Variants in EPHB3 observed in about 807,000 individuals in gnomAD.
EPHB3 encodes EPH receptor B3.
In EPHB3, 33 loss-of-function variants were observed where a neutral mutation model predicts 100.2. That is an observed-to-expected ratio of 0.33 (90% CI 0.25 to 0.44). The LOEUF (loss-of-function observed/expected upper bound fraction) is 0.44, where lower values mean the gene tolerates loss of function less well. Ranked by LOEUF, EPHB3 falls within the 20% of genes least tolerant of loss-of-function variation. The pLI is 1.00. For synonymous variants in EPHB3, 526 were observed against 554.7 expected, an observed-to-expected ratio of 0.95 and a Z score of 0.73; for missense variants, 1,045 against 1,378.3, an observed-to-expected ratio of 0.76 and a Z score of 3.83.
Position 184,572,862 on chromosome 3 carries a change from T to C in EPHB3, c.542T>C (p.Phe181Ser). Reference sequence around the variant, plus strand: ...CGTGTCAACACCAAGGTGCGCAGCTTTGGGCCACTTTCCAAGGCTGGCTTC... The same window carrying C: ...CGTGTCAACACCAAGGTGCGCAGCTCTGGGCCACTTTCCAAGGCTGGCTTC... The part of the protein sequence containing the change: ...AGRVNTKVRS[F>S]GPLSKAGFYL... The change falls in exon 3 of 16, where the codon TTT becomes TCT. Residue 181 changes from phenylalanine to serine, a missense_variant. Coordinates refer to ENST00000330394, the MANE Select transcript of EPHB3 (RefSeq NM_004443.4). The surrounding 1 kb of genome is among the most constrained non-coding windows in gnomAD (Gnocchi z 6.6). 1 of 1,561,766 alleles carries C rather than the reference T, an allele frequency of 6.4e-7. No homozygotes were observed. Among genetic ancestry groups the C allele is most frequent in the Non-Finnish European group, 8.7e-7 (1 of 1,154,226 alleles).
Position 184,572,442 on chromosome 3 carries a change from A to G in EPHB3, c.184-62A>G, listed in dbSNP as rs1479854221. Reference sequence around the variant, plus strand: ...TGAAGTAAATAGAGCAGATCTGGGCACGAGGGAAGCACTTGGCAAATGCAG... The same window carrying G: ...TGAAGTAAATAGAGCAGATCTGGGCGCGAGGGAAGCACTTGGCAAATGCAG... On this transcript the variant is annotated intron_variant, in intron 2 of 15. Coordinates refer to ENST00000330394, the MANE Select transcript of EPHB3 (RefSeq NM_004443.4). This position sits in a 1 kb window ranked among gnomAD's most constrained non-coding sequence, Gnocchi z 6.6. 8 of 1,508,024 alleles carry G rather than the reference A, an allele frequency of 5.3e-6. No individual in the cohort carries two copies. In the East Asian group the frequency reaches 1.9e-4, roughly 36 times the overall value. 93.4% of individuals were successfully genotyped at this position (1,508,024 alleles called of 1,614,324 possible). A position where few individuals can be genotyped will look rare whatever the true frequency, so the allele number is the denominator to read the frequency against.
Position 184,577,039 on chromosome 3 carries a change from G to C in EPHB3, c.1210G>C (p.Gly404Arg). ...CGTGGAGTTTGTGCCTCGGCAGCTG[G>C]GCCTGACGGAGCGCCGGGTCCACAT... ...DNVEFVPRQLGLTERRVHISH... is the reference protein window; with the variant it reads ...DNVEFVPRQLRLTERRVHISH... Residue 404 changes from glycine (G) to arginine (R), a missense_variant, in exon 5 of 16, where the codon GGC (glycine) becomes CGC (arginine). Coordinates refer to ENST00000330394, the MANE Select transcript of EPHB3 (RefSeq NM_004443.4). The surrounding 1 kb of genome is among the most constrained non-coding windows in gnomAD (Gnocchi z 4.9). The C allele has an allele frequency of 6.2e-7, 1 of 1,613,916 alleles. No homozygotes were observed.
chr3:184,568,597 C>CG (rs957790105), intron 1 of EPHB3, among the ~76,000 whole-genome samples: 5 of 150,148 alleles, frequency 3.3e-5, no homozygotes, highest in Non-Finnish European at 7.4e-5. Context: ...CTATGACCCC[C>CG]CCCCCACATC....
rs761829006 is a variant in EPHB3 at position 184,572,639 on chromosome 3, G to C, written c.319G>C (p.Val107Leu). The C allele has an allele frequency of 3.2e-6, 5 of 1,567,390 alleles. No homozygotes were observed. Among genetic ancestry groups the C allele is most frequent in the Non-Finnish European group, 3.5e-6 (4 of 1,158,738 alleles). The change falls in exon 3 of 16, where the codon GTG becomes CTG. Residue 107 changes from valine (V) to leucine (L), a missense_variant. Around this residue, in one of 2 missense-constraint regions of EPHB3, gnomAD observed 985 missense variants for 1,331.1 expected, o/e 0.74. Transcript: ENST00000330394. This position sits in a 1 kb window ranked among gnomAD's most constrained non-coding sequence, Gnocchi z 6.6. ...IWRRDVQRVY[V>L]ELKFTVRDCN... The stretch of plus-strand genomic sequence containing the variant: ...GCGGCGGGATGTGCAGCGGGTCTAC[G>C]TGGAGCTCAAGTTCACTGTGCGTGA...
At position 184,575,846 on chromosome 3, in the gene EPHB3, C is replaced by T. The variant is rs761828317; in HGVS notation, c.873C>T (p.Ser291=). 1 of 1,609,600 alleles carries T rather than the reference C, an allele frequency of 6.2e-7. No homozygotes were observed. The highest frequency in any genetic ancestry group is 8.5e-7 in the Non-Finnish European group (1 of 1,177,768). The change falls in exon 4 of 16, where the codon AGC becomes AGT. Residue 291 remains serine (S), a synonymous_variant. Transcript: ENST00000330394. ...CTCCCACAGCCTGTCCCCCTGGGAG[C>T]TACAAGGCGAAGCAGGGAGAGGGGC... is the stretch of plus-strand genomic sequence containing the variant. The part of the protein sequence containing the change: ...ESQCRPCPPG[S]YKAKQGEGPC...
Position 184,573,644 on chromosome 3 carries a change from G to A in EPHB3, c.856+468G>A, listed in dbSNP as rs947848957. 1.3e-5 allele frequency among the ~76,000 whole-genome samples: 2 copies of A among 152,072 alleles called. No homozygotes were observed. The highest frequency in any genetic ancestry group is 2.9e-5 in the Non-Finnish European group (2 of 68,030). On this transcript the variant is annotated intron_variant, in intron 3 of 15. Transcript: ENST00000330394. The surrounding 1 kb of genome is among the most constrained non-coding windows in gnomAD (Gnocchi z 4.5). ...GGAGGCAGTATATAAATGGCACAGTGGTTAGGGGCCCAGTCCCTGAAGTTG... is the reference window on the plus strand; with the variant it reads ...GGAGGCAGTATATAAATGGCACAGTAGTTAGGGGCCCAGTCCCTGAAGTTG...
rs1204056284 is a variant in EPHB3, at chr3:184,569,007, C to T, written c.119-2311C>T. 6.6e-6 allele frequency among the ~76,000 whole-genome samples: 1 copy of T among 152,150 alleles called. No homozygotes were observed. Among genetic ancestry groups the T allele is most frequent in the Non-Finnish European group, 1.5e-5 (1 of 68,018 alleles). ...CGTCCCCTCCCTCCGCTCCCTCCTC[C>T]CGGAGCCAGCGCAGGGCTTGTTTTA... is the stretch of plus-strand genomic sequence containing the variant. On this transcript the variant is annotated intron_variant, in intron 1 of 15. Coordinates refer to ENST00000330394, the MANE Select transcript of EPHB3 (RefSeq NM_004443.4). This position sits in a 1 kb window ranked among gnomAD's most constrained non-coding sequence, Gnocchi z 5.4.
At position 184,579,408 on chromosome 3, in the gene EPHB3, G is replaced by A. The variant is rs1433406017; in HGVS notation, c.1802-69G>A. ...GCTGGGCTCAGCAGGGAGCCTGCTG[G>A]AGCTGTGCCCATCGCAGGGAGAGGC... is the stretch of plus-strand genomic sequence containing the variant. On this transcript the variant is annotated intron_variant, in intron 9 of 15. Coordinates refer to ENST00000330394, the MANE Select transcript of EPHB3 (RefSeq NM_004443.4). The surrounding 1 kb of genome is among the most constrained non-coding windows in gnomAD (Gnocchi z 5.2). 47 of 1,586,534 alleles carry A rather than the reference G, an allele frequency of 3.0e-5. No individual in the cohort carries two copies. Among genetic ancestry groups the A allele is most frequent in the Non-Finnish European group, 3.9e-5 (45 of 1,162,100 alleles).
intron 1 of EPHB3, among the ~76,000 whole-genome samples, chr3:184,564,357 G>A (rs886638505): frequency 2.0e-5 from 3 of 152,212 alleles, no homozygotes; most frequent in African/African-American, 4.8e-5. Flanking sequence ...CAGTTCGTGC[G>A]TGGGAGAATG....
Position 184,562,229 on chromosome 3 carries a change from C to A in EPHB3, c.-7C>A. ...GGCCCGGCTCGGCTCCTAGAGCTGC[C>A]ACGGCCATGGCCAGAGCCCGCCCGC... On this transcript the variant is annotated 5_prime_UTR_variant, in exon 1 of 16. Coordinates refer to ENST00000330394, the MANE Select transcript of EPHB3 (RefSeq NM_004443.4). The surrounding 1 kb of genome is among the most constrained non-coding windows in gnomAD (Gnocchi z 4.8). 1.1e-6 allele frequency: 1 copy of A among 876,394 alleles called. No individual in the cohort carries two copies. Among genetic ancestry groups the A allele is most frequent in the Non-Finnish European group, 1.4e-6 (1 of 694,798 alleles). The allele number at this position is 876,394 out of a possible 1,614,324, so 54.3% of individuals were successfully genotyped here.
chr3:184,576,941 T>G lies in EPHB3; in HGVS notation c.1112T>G (p.Leu371Arg). Residue 371 changes from leucine to arginine, a missense_variant, in exon 5 of 16, where the codon CTC becomes CGC. Physicochemically the swap from Leu to Arg is moderately radical, Grantham distance 102 (BLOSUM62 -2). This residue lies in a region of EPHB3 where 985 missense variants were observed against 1,331.1 expected (regional missense o/e 0.74). Coordinates refer to ENST00000330394, the MANE Select transcript of EPHB3 (RefSeq NM_004443.4). ...CGGGACCTGGGTGGCCGGGATGACC[T>G]CCTGTACAATGTCATCTGCAAGAAG... ...EPRDLGGRDD[L>R]LYNVICKKCH... 6.2e-7 allele frequency: 1 copy of G among 1,609,796 alleles called. No homozygotes were observed. The highest frequency in any genetic ancestry group is 8.5e-7 in the Non-Finnish European group (1 of 1,176,928).
chr3:184,577,841 C>A lies in EPHB3; in HGVS notation c.1639+24C>A, dbSNP rs1262234792. 6.2e-7 allele frequency: 1 copy of A among 1,604,792 alleles called. No homozygotes were observed. The highest frequency in any genetic ancestry group is 8.5e-7 in the Non-Finnish European group (1 of 1,173,714). On this transcript the variant is annotated intron_variant, in intron 7 of 15. Coordinates refer to ENST00000330394, the MANE Select transcript of EPHB3 (RefSeq NM_004443.4). The surrounding 1 kb of genome is among the most constrained non-coding windows in gnomAD (Gnocchi z 4.9). ...AGGTTAGTAGCCCCCTGCGCCTGTCCCCATCGCGGCCCTCACTCTCTGTCC... is the reference window on the plus strand; with the variant it reads ...AGGTTAGTAGCCCCCTGCGCCTGTCACCATCGCGGCCCTCACTCTCTGTCC...
At chr3:184,566,928 C>CTGGCCCTCCACCAGGGCAGGTGGT (rs1333909741) in intron 1 of EPHB3, among the ~76,000 whole-genome samples, 1 of 152,208 alleles carries the variant, frequency 6.6e-6, no homozygotes, top group Non-Finnish European at 1.5e-5. Context: ...GCTATGGGGC[C>CTGGCCCTCCACCAGGGCAGGTGGT]TGGCCCTCCA....
chr3:184,572,899 C>T lies in EPHB3; in HGVS notation c.579C>T (p.Phe193=). Residue 193 remains phenylalanine (F), a synonymous_variant, in exon 3 of 16, where the codon TTC becomes TTT. Transcript: ENST00000330394. The surrounding 1 kb of genome is among the most constrained non-coding windows in gnomAD (Gnocchi z 6.6). Reference sequence around the variant, plus strand: ...CCAAGGCTGGCTTCTACCTGGCCTTCCAGGACCAGGGCGCCTGCATGTCGC... The same window carrying T: ...CCAAGGCTGGCTTCTACCTGGCCTTTCAGGACCAGGGCGCCTGCATGTCGC... The part of the protein sequence containing the change: ...PLSKAGFYLA[F]QDQGACMSLI... 1 of 1,562,294 alleles carries T rather than the reference C, an allele frequency of 6.4e-7. No homozygotes were observed. The highest frequency in any genetic ancestry group is 8.7e-7 in the Non-Finnish European group (1 of 1,153,714).
Position 184,578,453 on chromosome 3 carries a change from G to C in EPHB3, c.1788G>C (p.Lys596Asn), listed in dbSNP as rs1252525335. The C allele has an allele frequency of 6.2e-7, 1 of 1,614,004 alleles. No individual in the cohort carries two copies. Among genetic ancestry groups the C allele is most frequent in the Admixed American group, 1.7e-5 (1 of 60,012 alleles). The change falls in exon 9 of 16, where the codon AAG becomes AAC. Residue 596 changes from lysine to asparagine, a missense_variant. Transcript: ENST00000330394. The surrounding 1 kb of genome is among the most constrained non-coding windows in gnomAD (Gnocchi z 4.7). The stretch of plus-strand genomic sequence containing the variant: ...GCTCTGATTCGGAGTACACGGAGAA[G>C]CTGCAGCAGTACAGTGAGTTTGTCC... ...RHGSDSEYTE[K>N]LQQYIAPGMK...
chr3:184,580,336 G>A, intron 11 of EPHB3, 66 bp from the exon 12 acceptor site: 2 of 1,597,334 alleles, frequency 1.3e-6, no homozygotes, highest in Non-Finnish European at 8.6e-7. Context: ...GGAGAGGGAA[G>A]GCAGGTGGGC....
rs1028130392 is a variant in EPHB3, at chr3:184,578,908, A to T, written c.1801+442A>T. ...ATTCCTGGCCAGAGGAGCCTCTGGA[A>T]GGTAGTGGGCGGGGTGGGGAAGGAG... On this transcript the variant is annotated intron_variant, in intron 9 of 15. Transcript: ENST00000330394. The surrounding 1 kb of genome is among the most constrained non-coding windows in gnomAD (Gnocchi z 4.7). Among the ~76,000 whole-genome samples the T allele has an allele frequency of 1.3e-5, 2 of 152,012 alleles. No individual in the cohort carries two copies. Among genetic ancestry groups the T allele is most frequent in the African/African-American group, 2.4e-5 (1 of 41,392 alleles).
intron 1 of EPHB3, among the ~76,000 whole-genome samples, chr3:184,568,249 C>T (rs1359322116): frequency 6.6e-6 from 1 of 152,184 alleles, no homozygotes; most frequent in African/African-American, 2.4e-5. Flanking sequence ...CCGAAAGACC[C>T]CAGGCCTGGT....
intron 1 of EPHB3, among the ~76,000 whole-genome samples, chr3:184,564,428 C>T (rs1034057935): frequency 3.7e-4 from 57 of 152,386 alleles, no homozygotes; most frequent in African/African-American, 1.4e-3. Context: ...CACCCTCTGG[C>T]TCTCCCTCAC....
Sources: allele counts gnomAD v4.1 joint callset (sites outside exome capture counted in the v4.1 genomes callset), GRCh38; gene constraint gnomAD v4.1.1; regional missense constraint gnomAD v4.1.1; non-coding constraint Gnocchi (gnomAD v3.1); transcripts MANE v1.5; gene names NCBI Gene and HGNC (gene_info 2026-07-23, HGNC 2026-07-21).